The following ADARB2 variants were observed in gnomAD, a reference collection of about 807,000 sequenced individuals.
The protein encoded by ADARB2 is inactive double-stranded RNA-specific editase B2.
In ADARB2, 25 loss-of-function variants were observed where a neutral mutation model predicts 62.2. The observed-to-expected ratio is 0.40, with a 90% CI of 0.29 to 0.56. The LOEUF (loss-of-function observed/expected upper bound fraction) is 0.56, where lower values mean the gene tolerates loss of function less well. ADARB2 is among the 20% of genes least tolerant of loss of function. The pLI, the probability that ADARB2 is intolerant of heterozygous loss-of-function variation, is 0.43. For synonymous variants in ADARB2, 572 were observed against 500.8 expected (o/e 1.14, Z -1.90); for missense variants, 1,071 against 1,077.4 (o/e 0.99, Z 0.08).
intron 1 of ADARB2, among the ~76,000 whole-genome samples, chr10:1,698,062 T>C (rs560017544): frequency 7.2e-5 from 11 of 152,202 alleles, no homozygotes; most frequent in Non-Finnish European, 1.2e-4. Flanking sequence ...AATGGTTACA[T>C]ATTAATAAAT....
At chr10:1,187,088 T>A (rs930788975) in intron 8 of ADARB2, among the ~76,000 whole-genome samples, 1 of 152,224 alleles carries the variant, frequency 6.6e-6, no homozygotes, top group Non-Finnish European at 1.5e-5. Flanking sequence ...GAGCTTCTGC[T>A]GGCCACAGAC....
At chr10:1,675,842 C>G (rs1168592943) in intron 1 of ADARB2, among the ~76,000 whole-genome samples, 1 of 152,094 alleles carries the variant, frequency 6.6e-6, no homozygotes, top group Admixed American at 6.5e-5. Flanking sequence ...GAAGCCGTGT[C>G]TCTGATCCCT....
At chr10:1,240,524 C>T (rs1464760621) in intron 5 of ADARB2, 5 of 152,536 alleles carry the variant, frequency 3.3e-5, no homozygotes, top group Non-Finnish European at 5.9e-5. Flanking sequence ...AGTCTTCCTG[C>T]CTCTGTGCCT....
intron 1 of ADARB2, among the ~76,000 whole-genome samples, chr10:1,528,338 C>A (rs954171776): frequency 6.6e-6 from 1 of 152,154 alleles, no homozygotes; most frequent in Non-Finnish European, 1.5e-5. Context: ...GCGTTGGTAT[C>A]GATGTTTGGA....
intron 1 of ADARB2, among the ~76,000 whole-genome samples, chr10:1,686,925 C>T (rs934666900): frequency 2.0e-5 from 3 of 151,818 alleles, no homozygotes; most frequent in Non-Finnish European, 4.4e-5. Flanking sequence ...GAAGAAATTA[C>T]ATTTTTTTTA....
intron 3 of ADARB2, among the ~76,000 whole-genome samples, chr10:1,359,428 G>T (rs998417776): frequency 2.0e-5 from 3 of 152,208 alleles, no homozygotes; most frequent in African/African-American, 7.2e-5. Flanking sequence ...ACCCCCGGGT[G>T]CAGGAAATAG....
intron 3 of ADARB2, among the ~76,000 whole-genome samples, chr10:1,347,443 G>A (rs372028337): frequency 2.1e-4 from 32 of 152,306 alleles, no homozygotes; most frequent in African/African-American, 6.5e-4. Context: ...ACCAGGGCAC[G>A]GGTACTTGGC....
intron 1 of ADARB2, among the ~76,000 whole-genome samples, chr10:1,702,139 G>C (rs1834830015): frequency 6.6e-6 from 1 of 152,246 alleles, no homozygotes; most frequent in Non-Finnish European, 1.5e-5. Flanking sequence ...AGAGAATGCT[G>C]CATCCCACAG....
chr10:1,249,310 C>T (rs984653267), intron 4 of ADARB2, among the ~76,000 whole-genome samples: 23 of 151,954 alleles, frequency 1.5e-4, no homozygotes, highest in Non-Finnish European at 3.2e-4. Context: ...GGTGTGGAGG[C>T]GTGAGCCTGT....
chr10:1,438,043 C>T (rs1484892264), intron 1 of ADARB2, among the ~76,000 whole-genome samples: 1 of 152,232 alleles, frequency 6.6e-6, no homozygotes, highest in African/African-American at 2.4e-5. Flanking sequence ...CCCTCCTCTC[C>T]TTTGGGCAGA....
In ADARB2 at chr10:1,679,779, G is replaced by A. The variant is rs896472756; in HGVS notation, c.100+57272C>T. On this transcript the variant is annotated intron_variant, in intron 1 of 9. Coordinates refer to ENST00000381312, the MANE Select transcript of ADARB2 (RefSeq NM_018702.4). ...GAATGAGGAGATGTTCCAACGACTG[G>A]ATCGCTTGGGCTCAACACGGAAACT... 2.6e-5 allele frequency among the ~76,000 whole-genome samples: 4 copies of A among 152,204 alleles called. No homozygotes were observed. The East Asian group carries it at 7.7e-4, about 29-fold the overall frequency.
chr10:1,388,926 A>G (rs2805514), intron 1 of ADARB2, among the ~76,000 whole-genome samples: 142,374 of 152,272 alleles, frequency 0.93, 67,293 homozygotes, highest in Non-Finnish European at 1. Context: ...GAACAAATAC[A>G]ATGTAGTAAT....
At chr10:1,455,630 C>G (rs1390167696) in intron 1 of ADARB2, among the ~76,000 whole-genome samples, 1 of 152,108 alleles carries the variant, frequency 6.6e-6, no homozygotes, top group Non-Finnish European at 1.5e-5. Context: ...TAGAAAAACT[C>G]TTTTTGGGAT....
rs780714152 is a variant in ADARB2 at position 1,398,924 on chromosome 10, C to T, written c.101-19764G>A. On this transcript the variant is annotated intron_variant, in intron 1 of 9. Transcript: ENST00000381312. The surrounding 1 kb of genome is among the most constrained non-coding windows in gnomAD (Gnocchi z 4.1). ...GTAGAGTGGTTTGCCAGAGAACCAC[C>T]GAAGAGCCTTCCAGGGACTTCTAAG... 1.3e-5 allele frequency among the ~76,000 whole-genome samples: 2 copies of T among 152,126 alleles called. No homozygotes were observed. The highest frequency in any genetic ancestry group is 1.5e-5 in the Non-Finnish European group (1 of 68,014).
chr10:1,185,472 G>A (rs532914143), intron 8 of ADARB2, among the ~76,000 whole-genome samples: 2 of 150,806 alleles, frequency 1.3e-5, no homozygotes, highest in Non-Finnish European at 2.9e-5. Flanking sequence ...TGGCTCCCTC[G>A]GGTTTACAGT....
intron 1 of ADARB2, among the ~76,000 whole-genome samples, chr10:1,395,742 C>A (rs1429291487): frequency 1.3e-5 from 2 of 152,190 alleles, no homozygotes; most frequent in Non-Finnish European, 2.9e-5. Context: ...TCCAATGAGA[C>A]AAGGACCGGG....
intron 1 of ADARB2, among the ~76,000 whole-genome samples, chr10:1,438,682 C>T (rs560377510): frequency 1.3e-5 from 2 of 152,226 alleles, no homozygotes; most frequent in South Asian, 4.1e-4. Flanking sequence ...TGAGTCTCCC[C>T]CCGGATAGAG....
intron 8 of ADARB2, among the ~76,000 whole-genome samples, chr10:1,192,811 C>CGGGT (rs1836860615): frequency 6.6e-6 from 1 of 152,182 alleles, no homozygotes; most frequent in Admixed American, 6.5e-5. Context: ...AGCCTGGTGG[C>CGGGT]GGGTGCCTGT....
At chr10:1,674,919 G>C (rs1321498641) in intron 1 of ADARB2, among the ~76,000 whole-genome samples, 1 of 152,132 alleles carries the variant, frequency 6.6e-6, no homozygotes, top group Admixed American at 6.5e-5. Flanking sequence ...TGGGTTCAGG[G>C]ATGCATGGAT....
Sources: allele counts gnomAD v4.1 joint callset (sites outside exome capture counted in the v4.1 genomes callset), GRCh38; gene constraint gnomAD v4.1.1; non-coding constraint Gnocchi (gnomAD v3.1); transcripts MANE v1.5; gene names NCBI Gene and HGNC (gene_info 2026-07-23, HGNC 2026-07-21).